Variants in RFPL1 observed in about 807,000 individuals in gnomAD.
RFPL1 encodes the protein ret finger protein like 1.
A neutral mutation model predicts 9.6 loss-of-function variants in RFPL1; 6 were observed. That is an observed-to-expected ratio of 0.62 (90% CI 0.34 to 1.23). The LOEUF is 1.23. RFPL1 is among the 50% of genes most tolerant of loss of function. The pLI, the probability that RFPL1 is intolerant of heterozygous loss-of-function variation, is 0.03. For missense variants in RFPL1, 352 were observed against 398.4 expected (o/e 0.88, Z 0.99); for synonymous variants, 145 against 149.4 (o/e 0.97, Z 0.22).
At chr22:29,432,819 T>C in the RFPL1 span, 3 of 152,236 alleles carry the variant, frequency 2.0e-5, no homozygotes, top group African/African-American at 7.2e-5. Flanking sequence ...CACCTATCAC[T>C]AGTGATTGTT....
the RFPL1 span, among the ~76,000 whole-genome samples, chr22:29,409,757 T>A: frequency 6.6e-6 from 1 of 152,284 alleles, no homozygotes; most frequent in East Asian, 1.9e-4. Context: ...TACAATTTTT[T>A]TGTTGGCTGG....
chr22:29,399,135 T>C, the RFPL1 span, among the ~76,000 whole-genome samples: 9 of 152,208 alleles, frequency 5.9e-5, no homozygotes, highest in African/African-American at 2.2e-4. Context: ...GCTTCCTTCA[T>C]AGAATTAAAG....
At chr22:29,391,268 G>A in the RFPL1 span, among the ~76,000 whole-genome samples, 3 of 152,144 alleles carry the variant, frequency 2.0e-5, no homozygotes, top group Admixed American at 1.3e-4. Flanking sequence ...TGTTGGCATG[G>A]CTGCTTTCCT....
At chr22:29,424,837 C>CCT in the RFPL1 span, among the ~76,000 whole-genome samples, 1 of 106,636 alleles carries the variant, frequency 9.4e-6, no homozygotes, top group African/African-American at 3.7e-5. Flanking sequence ...CCTCCCACCC[C>CCT]CCCCCCCGCA....
At chr22:29,396,897 CTTTTTTTTTTTTTTTTTT>C in the RFPL1 span, among the ~76,000 whole-genome samples, 1 of 72,578 alleles carries the variant, frequency 1.4e-5, no homozygotes, top group African/African-American at 6.8e-5. Context: ...CCTGAAACTT[CTTTTTTTTTTTTTTTTTT>C]TTTTTTTTTG....
At chr22:29,393,595 G>A in the RFPL1 span, among the ~76,000 whole-genome samples, 1 of 152,082 alleles carries the variant, frequency 6.6e-6, no homozygotes. Context: ...ACATGTGGGT[G>A]CCCCGGCCCT....
the RFPL1 span, among the ~76,000 whole-genome samples, chr22:29,405,384 T>C: frequency 6.6e-6 from 1 of 152,180 alleles, no homozygotes; most frequent in African/African-American, 2.4e-5. Flanking sequence ...TCACCCAAAA[T>C]AGAGTGGATT....
chr22:29,391,095 T>C, the RFPL1 span, among the ~76,000 whole-genome samples: 5 of 151,662 alleles, frequency 3.3e-5, no homozygotes, highest in Non-Finnish European at 7.4e-5. Context: ...TGAGCCAAGA[T>C]TGCACCACTG....
chr22:29,410,464 C>CTATATATAGATATATATATCTA, the RFPL1 span, among the ~76,000 whole-genome samples: 3 of 57,484 alleles, frequency 5.2e-5, no homozygotes, highest in Non-Finnish European at 8.4e-5. Flanking sequence ...ATATATATAT[C>CTATATATAGATATATATATCTA]TATATATAGA....
the RFPL1 span, among the ~76,000 whole-genome samples, chr22:29,405,363 T>C: frequency 6.6e-6 from 1 of 152,160 alleles, no homozygotes; most frequent in Admixed American, 6.5e-5. Flanking sequence ...TGATGGGTGA[T>C]TTAGGTAAAA....
intron 1 of RFPL1, 71 bp from the exon 2 acceptor site, chr22:29,441,471 C>A: frequency 6.6e-7 from 1 of 1,506,266 alleles, no homozygotes; most frequent in South Asian, 1.3e-5. Flanking sequence ...ATATTTGGGC[C>A]TTTGAAGTAG....
chr22:29,395,208 C>T, the RFPL1 span, among the ~76,000 whole-genome samples: 6 of 152,288 alleles, frequency 3.9e-5, no homozygotes, highest in South Asian at 6.2e-4. Context: ...TCACAGGGGC[C>T]GCTGTGCCTT....
the RFPL1 span, among the ~76,000 whole-genome samples, chr22:29,425,018 C>A: frequency 1.3e-5 from 2 of 151,718 alleles, no homozygotes; most frequent in African/African-American, 2.4e-5. Context: ...TCCTGGCTAA[C>A]ACAGTGAAAC....
the RFPL1 span, among the ~76,000 whole-genome samples, chr22:29,399,111 TA>T: frequency 6.6e-6 from 1 of 152,210 alleles, no homozygotes; most frequent in Non-Finnish European, 1.5e-5. Context: ...GACTCACCAA[TA>T]AATAAGGTTT....
the RFPL1 span, among the ~76,000 whole-genome samples, chr22:29,424,840 C>CCCG: frequency 8.8e-6 from 1 of 113,454 alleles, no homozygotes; most frequent in African/African-American, 3.4e-5. Flanking sequence ...CCCACCCCCC[C>CCCG]CCCCGCAAAA....
At chr22:29,404,770 A>G in the RFPL1 span, among the ~76,000 whole-genome samples, 5 of 152,226 alleles carry the variant, frequency 3.3e-5, no homozygotes, top group Non-Finnish European at 7.3e-5. Context: ...TTTGTCACCC[A>G]GGCTGGAGTG....
chr22:29,393,772 T>TTTTA, the RFPL1 span, among the ~76,000 whole-genome samples: 8 of 152,134 alleles, frequency 5.3e-5, no homozygotes, highest in South Asian at 4.1e-4. Flanking sequence ...TAGTTTTTAT[T>TTTTA]TTTATTTATT....
chr22:29,413,769 G>A, the RFPL1 span, among the ~76,000 whole-genome samples: 16 of 152,168 alleles, frequency 1.1e-4, no homozygotes, highest in South Asian at 8.3e-4. Flanking sequence ...AGAAAAACCC[G>A]TTGTGTTTTT....
At chr22:29,418,998 C>T in the RFPL1 span, among the ~76,000 whole-genome samples, 3 of 152,182 alleles carry the variant, frequency 2.0e-5, no homozygotes, top group African/African-American at 7.2e-5. Flanking sequence ...CCTGTGTAAA[C>T]AAAACCTTCT....
Sources: gnomAD v4.1 joint callset for allele counts (sites outside exome capture counted in the v4.1 genomes callset) on GRCh38, gnomAD v4.1.1 for gene constraint, MANE v1.5 for transcripts, NCBI Gene and HGNC (gene_info 2026-07-23, HGNC 2026-07-21) for gene names.